PIEZO2: variants seen among roughly 807,000 people sequenced by gnomAD.
PIEZO2 encodes piezo-type mechanosensitive ion channel component 2.
In PIEZO2, 172 loss-of-function variants were observed where a neutral mutation model predicts 337.3. That is an observed-to-expected ratio of 0.51 (90% CI 0.45 to 0.58). PIEZO2 has a LOEUF of 0.58. Ranked by LOEUF, PIEZO2 falls within the 20% of genes least tolerant of loss-of-function variation. PIEZO2 has a pLI of 0.00. For synonymous variants in PIEZO2, 1,251 were observed against 1,228.5 expected (o/e 1.02, Z -0.38); for missense variants, 3,028 against 3,391.3 (o/e 0.89, Z 2.66).
At chr18:10,984,779 A>C (rs1322622421) in intron 2 of PIEZO2, among the ~76,000 whole-genome samples, 2 of 152,166 alleles carry the variant, frequency 1.3e-5, no homozygotes, top group Non-Finnish European at 2.9e-5. Context: ...AGAGGTCTTC[A>C]TAGAAAAGCA....
intron 1 of PIEZO2, among the ~76,000 whole-genome samples, chr18:11,103,071 G>A (rs2039464364): frequency 6.6e-6 from 1 of 152,122 alleles, no homozygotes; most frequent in Non-Finnish European, 1.5e-5. Context: ...TTGAGAGGAT[G>A]TGTCCCCCAC....
rs1385985014 is a variant in PIEZO2, at chr18:10,817,634, G to A, written c.918-10360C>T. On this transcript the variant is annotated intron_variant, in intron 7 of 55. Coordinates refer to ENST00000674853, the MANE Select transcript of PIEZO2 (RefSeq NM_001378183.1). ...ACAGAAACATTCTTCAAAATAGTAG[G>A]ACTTTATGGCTGGGCGCGGTGGCTC... 2.0e-5 allele frequency among the ~76,000 whole-genome samples: 3 copies of A among 152,042 alleles called. No individual in the cohort carries two copies. The East Asian group carries it at 5.8e-4, about 29-fold the overall frequency.
intron 7 of PIEZO2, among the ~76,000 whole-genome samples, chr18:10,811,894 T>C (rs11874044): frequency 0.28 from 43,104 of 152,174 alleles, 7,052 homozygotes; most frequent in Middle Eastern, 0.39. Context: ...AGTGCAGTGG[T>C]GCGATCTCCG....
At chr18:11,106,127 G>A (rs370527211) in intron 1 of PIEZO2, among the ~76,000 whole-genome samples, 8 of 151,800 alleles carry the variant, frequency 5.3e-5, no homozygotes, top group African/African-American at 7.3e-5. Context: ...TGGCTCTGTC[G>A]CCCAGGCTGG....
At chr18:10,864,994 G>A (rs1363726031) in intron 5 of PIEZO2, among the ~76,000 whole-genome samples, 3 of 152,186 alleles carry the variant, frequency 2.0e-5, no homozygotes, top group African/African-American at 7.2e-5. Context: ...CTGCACAAGA[G>A]CAAACTGTAC....
At position 10,675,222 on chromosome 18, in the gene PIEZO2, CTTTATAGG is replaced by C; in HGVS notation, c.8140_8147del (p.Pro2714AlafsTer5). 6.4e-7 allele frequency: 1 copy of C among 1,551,546 alleles called. No homozygotes were observed. Among genetic ancestry groups the C allele is most frequent in the Non-Finnish European group, 8.8e-7 (1 of 1,141,142 alleles). On this transcript the variant is annotated frameshift_variant, in exon 54 of 56. Coordinates refer to ENST00000674853, the MANE Select transcript of PIEZO2 (RefSeq NM_001378183.1). LOFTEE classifies it high-confidence loss of function. ...TCTCATTCTTACCAGATAAAAGTTG[CTTTATAGG>C]TTTTGAGTTAGAATCACTAGGTGCT...
At chr18:11,041,888 A>C (rs959816261) in intron 2 of PIEZO2, among the ~76,000 whole-genome samples, 1 of 152,184 alleles carries the variant, frequency 6.6e-6, no homozygotes, top group Non-Finnish European at 1.5e-5. Context: ...ATTGAAAACT[A>C]TCTCTAGGAC....
intron 18 of PIEZO2, among the ~76,000 whole-genome samples, chr18:10,776,894 T>C (rs2178102): frequency 0.85 from 129,561 of 152,218 alleles, 55,204 homozygotes; most frequent in East Asian, 0.93. Context: ...AAAATACTCC[T>C]GGAAACTTCA....
chr18:10,706,080 A>G (rs1567969017), intron 40 of PIEZO2, among the ~76,000 whole-genome samples: 2 of 152,122 alleles, frequency 1.3e-5, no homozygotes, highest in Non-Finnish European at 1.5e-5. Flanking sequence ...ATATCAACAC[A>G]GCACAGCTTA....
chr18:10,946,098 A>C (rs536875184), intron 3 of PIEZO2, among the ~76,000 whole-genome samples: 1 of 152,332 alleles, frequency 6.6e-6, no homozygotes, highest in East Asian at 1.9e-4. Context: ...AAAACCATAA[A>C]TGTATAGATT....
intron 7 of PIEZO2, among the ~76,000 whole-genome samples, chr18:10,851,615 GT>G (rs536506375): frequency 1.3e-5 from 2 of 152,104 alleles, no homozygotes; most frequent in Non-Finnish European, 2.9e-5. Flanking sequence ...TTCAGTGCTT[GT>G]TTTGGTGCCA....
intron 4 of PIEZO2, among the ~76,000 whole-genome samples, chr18:10,892,017 G>A (rs963758197): frequency 6.6e-6 from 1 of 152,108 alleles, no homozygotes; most frequent in Non-Finnish European, 1.5e-5. Context: ...AGGATTGATA[G>A]GCAGTCAGAC....
Position 10,824,704 on chromosome 18 carries a change from G to T in PIEZO2, c.918-17430C>A, listed in dbSNP as rs1325078006. Among the ~76,000 whole-genome samples, 1 of 151,928 alleles carries T rather than the reference G, an allele frequency of 6.6e-6. No homozygotes were observed. Among genetic ancestry groups the T allele is most frequent in the Non-Finnish European group, 1.5e-5 (1 of 67,976 alleles). ...ACAATTTTAAATTTACAGACAAGTT[G>T]AAAACATACTACAGAGAATTCTCTA... is the stretch of plus-strand genomic sequence containing the variant. On this transcript the variant is annotated intron_variant, in intron 7 of 55. Coordinates refer to ENST00000674853, the MANE Select transcript of PIEZO2 (RefSeq NM_001378183.1). This position sits in a 1 kb window ranked among gnomAD's most constrained non-coding sequence, Gnocchi z 4.4.
rs76937769 is a variant in PIEZO2, at chr18:11,104,389, T to C, written c.65-38167A>G. On this transcript the variant is annotated intron_variant, in intron 1 of 55. Transcript: ENST00000674853. This position sits in a 1 kb window ranked among gnomAD's most constrained non-coding sequence, Gnocchi z 4.6. ...AGACCAAGACAGTCTGATTTGTGTCTTTTGGATTTAGGAGACACCGTGGCC... is the reference window on the plus strand; with the variant it reads ...AGACCAAGACAGTCTGATTTGTGTCCTTTGGATTTAGGAGACACCGTGGCC... 7.9e-3 allele frequency among the ~76,000 whole-genome samples: 1,204 copies of C among 152,326 alleles called. 14 individuals carry two copies. The highest frequency in any genetic ancestry group is 0.027 in the African/African-American group (1,139 of 41,564).
intron 3 of PIEZO2, among the ~76,000 whole-genome samples, chr18:10,922,392 G>T (rs998962874): frequency 1.3e-5 from 2 of 152,094 alleles, no homozygotes; most frequent in Non-Finnish European, 2.9e-5. Flanking sequence ...AGATGGAAAG[G>T]GATGAGAATG....
chr18:10,902,413 T>C (rs2043073180), intron 4 of PIEZO2, among the ~76,000 whole-genome samples: 1 of 152,190 alleles, frequency 6.6e-6, no homozygotes, highest in Admixed American at 6.5e-5. Context: ...TACACTGATA[T>C]CTGCATCCAA....
intron 7 of PIEZO2, among the ~76,000 whole-genome samples, chr18:10,835,285 T>A (rs1475445531): frequency 6.6e-6 from 1 of 152,126 alleles, no homozygotes; most frequent in African/African-American, 2.4e-5. Context: ...CATTTTTTTT[T>A]TTTTTTGGTA....
intron 7 of PIEZO2, among the ~76,000 whole-genome samples, chr18:10,812,657 G>A (rs975215162): frequency 6.6e-6 from 1 of 152,024 alleles, no homozygotes; most frequent in African/African-American, 2.4e-5. Context: ...TTCGGCTCTG[G>A]GGGCCTCCAT....
At position 10,899,631 on chromosome 18, in the gene PIEZO2, C is replaced by A. The variant is rs992468493; in HGVS notation, c.329+11555G>T. ...CTTGTAGCTGCCTATTAGCACAATTCCCCTAAACATTCCATTTTATACACT... is the reference window on the plus strand; with the variant it reads ...CTTGTAGCTGCCTATTAGCACAATTACCCTAAACATTCCATTTTATACACT... On this transcript the variant is annotated intron_variant, in intron 4 of 55. Coordinates refer to ENST00000674853, the MANE Select transcript of PIEZO2 (RefSeq NM_001378183.1). The surrounding 1 kb of genome is among the most constrained non-coding windows in gnomAD (Gnocchi z 4.6). Among the ~76,000 whole-genome samples, 8 of 152,126 alleles carry A rather than the reference C, an allele frequency of 5.3e-5. No homozygotes were observed. Among genetic ancestry groups the A allele is most frequent in the African/African-American group, 1.9e-4 (8 of 41,422 alleles).
Sources: gnomAD v4.1 joint callset for allele counts (sites outside exome capture counted in the v4.1 genomes callset) on GRCh38, gnomAD v4.1.1 for gene constraint, Gnocchi (gnomAD v3.1) non-coding constraint, MANE v1.5 for transcripts, NCBI Gene and HGNC (gene_info 2026-07-23, HGNC 2026-07-21) for gene names.